The following AGBL4 variants were observed in gnomAD, a reference collection of about 807,000 sequenced individuals.
The protein encoded by AGBL4 is cytosolic carboxypeptidase 6.
Under a neutral mutation model 66.4 loss-of-function variants are expected in AGBL4, and 58 were observed. The observed-to-expected ratio is 0.87, with a 90% confidence interval of 0.71 to 1.09. The LOEUF (loss-of-function observed/expected upper bound fraction) is 1.09. Ranked by LOEUF, AGBL4 falls within the 50% of genes least tolerant of loss-of-function variation. The pLI is 0.00. For missense variants in AGBL4, 579 were observed against 631.0 expected (o/e 0.92, Z 0.88); for synonymous variants, 234 against 222.9 (o/e 1.05, Z -0.44).
chr1:48,907,512 G>C (rs940493738), intron 5 of AGBL4, among the ~76,000 whole-genome samples: 14 of 152,056 alleles, frequency 9.2e-5, no homozygotes, highest in Admixed American at 1.3e-4. Context: ...AGCAAGCCAG[G>C]GGGGAAAGGC....
chr1:49,147,640 A>C (rs1023161930), intron 4 of AGBL4, among the ~76,000 whole-genome samples: 70 of 152,342 alleles, frequency 4.6e-4, no homozygotes, highest in African/African-American at 1.5e-3. Flanking sequence ...GCCAGCTAAC[A>C]GTTTGAAGGT....
Position 48,925,526 on chromosome 1 carries a change from T to C in AGBL4, c.595-58296A>G, listed in dbSNP as rs557742224. Reference sequence around the variant, plus strand: ...ATGAGATTTTTTTTGTGTTTTTTTTTAAAAGCTCATCAGCTATCGTTAGTG... The same window carrying C: ...ATGAGATTTTTTTTGTGTTTTTTTTCAAAAGCTCATCAGCTATCGTTAGTG... On this transcript the variant is annotated intron_variant, in intron 5 of 13. Coordinates refer to ENST00000371839, the MANE Select transcript of AGBL4 (RefSeq NM_032785.4). Among the ~76,000 whole-genome samples the C allele has an allele frequency of 1.3e-3, 204 of 152,280 alleles. 1 individual carries two copies. The highest frequency in any genetic ancestry group is 3.9e-3 in the South Asian group (19 of 4,828).
chr1:49,060,443 C>T (rs1359034453), intron 4 of AGBL4, among the ~76,000 whole-genome samples: 1 of 152,138 alleles, frequency 6.6e-6, no homozygotes, highest in Non-Finnish European at 1.5e-5. Context: ...AATGTGAGAA[C>T]ATACTAATAC....
In AGBL4 at chr1:49,674,571, TACAC is replaced by T. The variant is rs139707283; in HGVS notation, c.282+22738_282+22741del. ...TAAAAGAATATATATAAGAATAAAA[TACAC>T]ACACACACACACACACACACACACA... On this transcript the variant is annotated intron_variant, in intron 3 of 13. Coordinates refer to ENST00000371839, the MANE Select transcript of AGBL4 (RefSeq NM_032785.4). 9.8e-3 allele frequency among the ~76,000 whole-genome samples: 1,406 copies of T among 143,786 alleles called. 14 individuals are homozygous for T. Among genetic ancestry groups the T allele is most frequent in the African/African-American group, 0.031 (1,227 of 39,694 alleles). 94.3% of individuals were successfully genotyped at this position (143,786 alleles called of 152,430 possible).
intron 4 of AGBL4, among the ~76,000 whole-genome samples, chr1:49,219,375 T>C (rs1649322446): frequency 1.3e-5 from 2 of 152,182 alleles, no homozygotes; most frequent in Admixed American, 1.3e-4. Flanking sequence ...ATTTTTCTCC[T>C]TTTATAATAC....
intron 2 of AGBL4, among the ~76,000 whole-genome samples, chr1:49,801,275 CAT>C (rs773167677): frequency 9.2e-5 from 14 of 152,170 alleles, no homozygotes; most frequent in Non-Finnish European, 1.6e-4. Context: ...CCTACAGCCA[CAT>C]GAGACTGAAT....
chr1:48,684,689 C>T (rs1369001790), intron 6 of AGBL4, among the ~76,000 whole-genome samples: 1 of 152,062 alleles, frequency 6.6e-6, no homozygotes, highest in Non-Finnish European at 1.5e-5. Context: ...AGGCATCAGA[C>T]ACCAGGGTTA....
chr1:48,984,084 A>G (rs1199418372), intron 5 of AGBL4, among the ~76,000 whole-genome samples: 1 of 152,104 alleles, frequency 6.6e-6, no homozygotes, highest in East Asian at 1.9e-4. Context: ...TTAGGAGAGA[A>G]CATACAAGGA....
chr1:48,564,012 G>A (rs149246564), intron 11 of AGBL4, among the ~76,000 whole-genome samples: 329 of 152,270 alleles, frequency 2.2e-3, no homozygotes, highest in African/African-American at 7.7e-3. Context: ...TAAGCTCAAT[G>A]ATCGGGCCTA....
At chr1:48,930,021 G>T (rs1654909234) in intron 5 of AGBL4, among the ~76,000 whole-genome samples, 2 of 152,080 alleles carry the variant, frequency 1.3e-5, no homozygotes, top group African/African-American at 4.8e-5. Context: ...ATAACTGGAG[G>T]ACTGGAATCA....
chr1:48,759,122 C>A (rs1157366743), intron 6 of AGBL4: 1 of 1,613,532 alleles, frequency 6.2e-7, no homozygotes, highest in South Asian at 1.1e-5. Flanking sequence ...ACCACAGCAT[C>A]TTCTAGACTG....
intron 3 of AGBL4, among the ~76,000 whole-genome samples, chr1:49,249,759 T>C (rs2148334914): frequency 6.6e-6 from 1 of 152,296 alleles, no homozygotes; most frequent in East Asian, 1.9e-4. Context: ...ATCAAAGAGG[T>C]ATCTGCACTC....
At chr1:49,817,826 G>GT (rs1645269577) in intron 2 of AGBL4, among the ~76,000 whole-genome samples, 1 of 152,136 alleles carries the variant, frequency 6.6e-6, no homozygotes, top group Non-Finnish European at 1.5e-5. Context: ...AATTTCCCAT[G>GT]TAACTAAAGT....
chr1:49,267,443 G>T (rs1172494754), intron 3 of AGBL4, among the ~76,000 whole-genome samples: 2 of 152,148 alleles, frequency 1.3e-5, no homozygotes, highest in African/African-American at 4.8e-5. Flanking sequence ...CACTTTGGGA[G>T]GCCAAAGCGG....
chr1:49,826,636 T>C (rs752342220), intron 2 of AGBL4, among the ~76,000 whole-genome samples: 1 of 152,188 alleles, frequency 6.6e-6, no homozygotes, highest in Non-Finnish European at 1.5e-5. Context: ...CTACAGAAAA[T>C]TGTTTTTACT....
chr1:49,747,336 G>A (rs568481814), intron 2 of AGBL4, among the ~76,000 whole-genome samples: 7 of 152,140 alleles, frequency 4.6e-5, no homozygotes, highest in African/African-American at 1.7e-4. Context: ...CTACCTCCAC[G>A]AAATTTTCTC....
intron 4 of AGBL4, among the ~76,000 whole-genome samples, chr1:49,095,125 A>T (rs1237046337): frequency 2.0e-5 from 3 of 152,206 alleles, no homozygotes; most frequent in Non-Finnish European, 4.4e-5. Context: ...TCCAACTTAC[A>T]AGGGATGTGA....
At chr1:48,672,676 C>A (rs189640884) in intron 6 of AGBL4, among the ~76,000 whole-genome samples, 1 of 152,282 alleles carries the variant, frequency 6.6e-6, no homozygotes, top group South Asian at 2.1e-4. Context: ...ATCCTTAAAA[C>A]GAGCTGTTGG....
intron 11 of AGBL4, among the ~76,000 whole-genome samples, chr1:48,568,392 C>T (rs1029117485): frequency 6.6e-6 from 1 of 152,120 alleles, no homozygotes; most frequent in African/African-American, 2.4e-5. Context: ...TAGCTTGGCT[C>T]CAGGCCACAG....
Sources: gnomAD v4.1 joint callset for allele counts (sites outside exome capture counted in the v4.1 genomes callset) on GRCh38, gnomAD v4.1.1 for gene constraint, MANE v1.5 for transcripts, NCBI Gene and HGNC (gene_info 2026-07-23, HGNC 2026-07-21) for gene names.